Variants in ARHGAP10 observed in about 807,000 individuals in gnomAD.
ARHGAP10 encodes rho GTPase-activating protein 10.
In ARHGAP10, 87 loss-of-function variants were observed where a neutral mutation model predicts 108.6. The ratio of observed to expected loss-of-function variants is 0.80; its 90% CI spans 0.67 to 0.96. ARHGAP10 has a LOEUF of 0.96. Ranked by LOEUF, ARHGAP10 falls within the 40% of genes least tolerant of loss-of-function variation. ARHGAP10 has a pLI of 0.00. For synonymous variants in ARHGAP10, 347 were observed against 341.1 expected, an observed-to-expected ratio of 1.02 and a Z score of -0.19; for missense variants, 939 against 954.5, an observed-to-expected ratio of 0.98 and a Z score of 0.21.
At chr4:147,917,122 C>T (rs1737020512) in intron 13 of ARHGAP10, 1 of 152,208 alleles carries the variant, frequency 6.6e-6, no homozygotes, top group Non-Finnish European at 1.5e-5. Flanking sequence ...CATCAGCATC[C>T]TTTGATTCAG....
intron 1 of ARHGAP10, among the ~76,000 whole-genome samples, chr4:147,751,238 GT>G (rs1729133634): frequency 6.6e-6 from 1 of 151,996 alleles, no homozygotes; most frequent in Non-Finnish European, 1.5e-5. Context: ...GATTAGAGAT[GT>G]TAGATTTTAA....
intron 1 of ARHGAP10, among the ~76,000 whole-genome samples, chr4:147,783,021 T>C (rs1730613646): frequency 7.3e-6 from 1 of 137,910 alleles, no homozygotes; most frequent in African/African-American, 2.6e-5. Flanking sequence ...TACTATATGT[T>C]AAATTATATA....
At chr4:148,037,419 C>G (rs1458456942) in intron 19 of ARHGAP10, among the ~76,000 whole-genome samples, 2 of 152,172 alleles carry the variant, frequency 1.3e-5, no homozygotes, top group African/African-American at 4.8e-5. Context: ...TTGTTCTGAT[C>G]CAATATGACA....
intron 13 of ARHGAP10, among the ~76,000 whole-genome samples, chr4:147,937,445 G>C (rs144939603): frequency 6.6e-6 from 1 of 152,016 alleles, no homozygotes; most frequent in African/African-American, 2.4e-5. Flanking sequence ...GGATTAGGAC[G>C]TCAACAGATG....
chr4:147,835,517 G>T (rs1294813280), intron 3 of ARHGAP10, among the ~76,000 whole-genome samples: 1 of 152,124 alleles, frequency 6.6e-6, no homozygotes, highest in Non-Finnish European at 1.5e-5. Context: ...GGGGTTACAG[G>T]CATGTGCCAC....
intron 1 of ARHGAP10, among the ~76,000 whole-genome samples, chr4:147,741,786 A>ACACG (rs1165245156): frequency 0.037 from 743 of 19,984 alleles, 4 homozygotes; most frequent in Middle Eastern, 0.059. Context: ...ACACACACAC[A>ACACG]CACACGCACA....
intron 1 of ARHGAP10, 73 bp downstream of exon 1, chr4:147,732,528 CG>C (rs1481217055): frequency 1.3e-5 from 21 of 1,582,758 alleles, no homozygotes; most frequent in Non-Finnish European, 1.6e-5. Context: ...CGGCAGGAGA[CG>C]GAGGGTCTTG....
intron 14 of ARHGAP10, 57 bp downstream of exon 14, chr4:147,939,956 C>A: frequency 7.1e-7 from 1 of 1,415,602 alleles, no homozygotes. Context: ...TCATTGACTT[C>A]ACAGCTTAAT....
chr4:147,985,468 G>A (rs1740004125), intron 18 of ARHGAP10, among the ~76,000 whole-genome samples: 1 of 152,148 alleles, frequency 6.6e-6, no homozygotes, highest in Non-Finnish European at 1.5e-5. Flanking sequence ...ACGCCTCATT[G>A]CCCAGATAAA....
rs533925584 is a variant in ARHGAP10, at chr4:147,881,408, C to T, written c.940-430C>T. Among the ~76,000 whole-genome samples, 9 of 151,876 alleles carry T rather than the reference C, an allele frequency of 5.9e-5. No individual in the cohort carries two copies. The East Asian group carries it at 9.7e-4, about 16-fold the overall frequency. Reference sequence around the variant, plus strand: ...ATCCCAGCACTTTGGGAGGCTGAGGCGGGTGGATCATCTGAGGTCAGGAGA... The same window carrying T: ...ATCCCAGCACTTTGGGAGGCTGAGGTGGGTGGATCATCTGAGGTCAGGAGA... On this transcript the variant is annotated intron_variant, in intron 9 of 22. Coordinates refer to ENST00000336498, the MANE Select transcript of ARHGAP10 (RefSeq NM_024605.4).
intron 8 of ARHGAP10, among the ~76,000 whole-genome samples, chr4:147,878,643 A>G (rs925121428): frequency 1.3e-5 from 2 of 152,232 alleles, no homozygotes; most frequent in Non-Finnish European, 2.9e-5. Context: ...GCTTACAATT[A>G]AGAGATTTTC....
intron 1 of ARHGAP10, among the ~76,000 whole-genome samples, chr4:147,781,622 T>C (rs2654958): frequency 1.3e-5 from 2 of 152,026 alleles, no homozygotes; most frequent in African/African-American, 4.8e-5. Flanking sequence ...ATATCGTTAA[T>C]GGCTAAGTGT....
intron 3 of ARHGAP10, among the ~76,000 whole-genome samples, chr4:147,842,003 G>A (rs886446979): frequency 6.6e-6 from 1 of 152,078 alleles, no homozygotes; most frequent in African/African-American, 2.4e-5. Context: ...TGCAATCTTG[G>A]CTCACTGCAA....
chr4:147,942,965 A>C (rs532993685), intron 14 of ARHGAP10, among the ~76,000 whole-genome samples: 38 of 152,244 alleles, frequency 2.5e-4, no homozygotes, highest in Admixed American at 5.9e-4. Context: ...ATTTGGTAGA[A>C]GTTGTTATTG....
chr4:148,050,365 CTTT>C (rs11309245), intron 20 of ARHGAP10, among the ~76,000 whole-genome samples: 4 of 59,302 alleles, frequency 6.7e-5, no homozygotes, highest in Non-Finnish European at 1.3e-4. Context: ...TCATCATCAT[CTTT>C]TTTTTTTTTT....
intron 13 of ARHGAP10, among the ~76,000 whole-genome samples, chr4:147,919,234 T>A (rs1239748238): frequency 6.6e-6 from 1 of 152,230 alleles, no homozygotes; most frequent in Non-Finnish European, 1.5e-5. Context: ...ATAATAAATA[T>A]ATGACCTATG....
At position 147,966,842 on chromosome 4, in the gene ARHGAP10, A is replaced by G; in HGVS notation, c.1716+3A>G. The G allele has an allele frequency of 6.4e-7, 1 of 1,565,418 alleles. No individual in the cohort carries two copies. The highest frequency in any genetic ancestry group is 8.7e-7 in the Non-Finnish European group (1 of 1,149,216). On this transcript the variant is annotated splice_donor_region_variant and intron_variant, in intron 18 of 22. Coordinates refer to ENST00000336498, the MANE Select transcript of ARHGAP10 (RefSeq NM_024605.4). The stretch of plus-strand genomic sequence containing the variant: ...TCTTAATTGAAAACCATGAAAAGGT[A>G]AAATTTTTTTTTTCTTTAAGAGACT...
At chr4:147,955,254 A>G (rs941968156) in intron 15 of ARHGAP10, 62 bp from the exon 16 acceptor site, 7 of 1,485,064 alleles carry the variant, frequency 4.7e-6, no homozygotes, top group Non-Finnish European at 6.5e-6. Context: ...CCTTTCATAA[A>G]AAAACTCAGA....
intron 18 of ARHGAP10, among the ~76,000 whole-genome samples, chr4:147,980,940 C>G (rs1739786574): frequency 6.6e-6 from 1 of 152,028 alleles, no homozygotes; most frequent in Non-Finnish European, 1.5e-5. Context: ...CTCTCCTTTT[C>G]CTTTGTTAAT....
Sources: allele counts gnomAD v4.1 joint callset (sites outside exome capture counted in the v4.1 genomes callset), GRCh38; gene constraint gnomAD v4.1.1; transcripts MANE v1.5; gene names NCBI Gene and HGNC (gene_info 2026-07-23, HGNC 2026-07-21).